The following PTPRD variants were observed in gnomAD, a reference collection of about 807,000 sequenced individuals.
PTPRD encodes protein tyrosine phosphatase receptor type D.
In PTPRD, 34 loss-of-function variants were observed where a neutral mutation model predicts 214.5. That is an observed-to-expected ratio of 0.16 (90% CI 0.12 to 0.21). PTPRD has a LOEUF of 0.21. Ranked by LOEUF, PTPRD falls within the 10% of genes least tolerant of loss-of-function variation. PTPRD has a pLI of 1.00. For missense variants in PTPRD, 2,545 were observed against 2,398.7 expected (o/e 1.06, Z -1.27); for synonymous variants, 1,128 against 845.7 (o/e 1.33, Z -5.79).
At chr9:9,666,420 G>C (rs931845570) in intron 7 of PTPRD, among the ~76,000 whole-genome samples, 1 of 151,948 alleles carries the variant, frequency 6.6e-6, no homozygotes, top group African/African-American at 2.4e-5. Context: ...TTTCGTAGAG[G>C]AGAATGTTCA....
At chr9:9,190,274 A>T (rs905185348) in intron 9 of PTPRD, among the ~76,000 whole-genome samples, 3 of 152,110 alleles carry the variant, frequency 2.0e-5, no homozygotes, top group Admixed American at 2.0e-4. Flanking sequence ...TCCCCACCCA[A>T]ATCTCAATTT....
chr9:9,464,285 C>A (rs1028801638), intron 8 of PTPRD, among the ~76,000 whole-genome samples: 2 of 151,984 alleles, frequency 1.3e-5, no homozygotes, highest in African/African-American at 4.8e-5. Context: ...ACCTTTTCTC[C>A]CTCTCACCCT....
chr9:10,513,760 C>T (rs183425027), intron 2 of PTPRD, among the ~76,000 whole-genome samples: 13 of 152,270 alleles, frequency 8.5e-5, no homozygotes, highest in Non-Finnish European at 1.8e-4. Context: ...TAGGGCCTCC[C>T]TGGCAACTCA....
chr9:9,745,162 T>A (rs942562749), intron 6 of PTPRD, among the ~76,000 whole-genome samples: 2 of 152,118 alleles, frequency 1.3e-5, no homozygotes, highest in African/African-American at 4.8e-5. Flanking sequence ...AATTCAGATA[T>A]TTTTAAAGCA....
At chr9:8,642,848 C>T (rs1020280931) in intron 12 of PTPRD, among the ~76,000 whole-genome samples, 1 of 152,180 alleles carries the variant, frequency 6.6e-6, no homozygotes, top group Admixed American at 6.5e-5. Context: ...AGGGTAGTGA[C>T]AGACAACCTG....
chr9:9,255,510 G>A (rs892310809), intron 9 of PTPRD, among the ~76,000 whole-genome samples: 2 of 151,860 alleles, frequency 1.3e-5, no homozygotes, highest in Non-Finnish European at 2.9e-5. Context: ...AAAATCTCAC[G>A]ATGCAATTCT....
At chr9:8,721,866 A>G (rs1297040288) in intron 12 of PTPRD, among the ~76,000 whole-genome samples, 2 of 152,166 alleles carry the variant, frequency 1.3e-5, no homozygotes, top group Non-Finnish European at 2.9e-5. Flanking sequence ...CAAACCCCAT[A>G]TTAATTAGAA....
intron 7 of PTPRD, among the ~76,000 whole-genome samples, chr9:9,726,745 T>C (rs1369481823): frequency 1.3e-5 from 2 of 152,146 alleles, no homozygotes; most frequent in Non-Finnish European, 2.9e-5. Flanking sequence ...TTCTTTGACA[T>C]TAGAGTTTGT....
intron 11 of PTPRD, among the ~76,000 whole-genome samples, chr9:9,003,232 G>C (rs2099430622): frequency 6.6e-6 from 1 of 152,008 alleles, no homozygotes; most frequent in South Asian, 2.1e-4. Context: ...TAGTAAGACA[G>C]TGTGGTTCTG....
At chr9:9,381,938 G>T (rs957382612) in intron 9 of PTPRD, among the ~76,000 whole-genome samples, 13 of 151,036 alleles carry the variant, frequency 8.6e-5, no homozygotes, top group Non-Finnish European at 1.3e-4. Context: ...TTTTAATGTG[G>T]ATAACATTGA....
At chr9:9,964,688 C>T (rs1240098374) in intron 4 of PTPRD, among the ~76,000 whole-genome samples, 2 of 152,084 alleles carry the variant, frequency 1.3e-5, no homozygotes, top group Non-Finnish European at 1.5e-5. Context: ...CTGTGGTTAG[C>T]AGGCTAAATG....
chr9:9,692,191 C>G (rs2790039), intron 7 of PTPRD, among the ~76,000 whole-genome samples: 1 of 151,522 alleles, frequency 6.6e-6, no homozygotes, highest in African/African-American at 2.4e-5. Flanking sequence ...CATGAAGAAA[C>G]ATTTGCCCAG....
chr9:9,754,766 T>C (rs2098553036), intron 6 of PTPRD, among the ~76,000 whole-genome samples: 1 of 152,076 alleles, frequency 6.6e-6, no homozygotes, highest in African/African-American at 2.4e-5. Context: ...TGTTCAATTG[T>C]TTCTGCATTT....
At chr9:9,220,501 C>A (rs575412535) in intron 9 of PTPRD, among the ~76,000 whole-genome samples, 1 of 151,992 alleles carries the variant, frequency 6.6e-6, no homozygotes, top group South Asian at 2.1e-4. Context: ...GGGATATATT[C>A]TTTGTAAAAC....
chr9:8,611,992 G>A (rs2095469453), intron 14 of PTPRD, among the ~76,000 whole-genome samples: 2 of 118,840 alleles, frequency 1.7e-5, no homozygotes, highest in African/African-American at 3.4e-5. Context: ...GGGAGGGGAG[G>A]GTTTGGGAGG....
chr9:9,798,625 TG>T (rs1202725764), intron 5 of PTPRD, among the ~76,000 whole-genome samples: 1 of 152,182 alleles, frequency 6.6e-6, no homozygotes, highest in Non-Finnish European at 1.5e-5. Flanking sequence ...TGCCATATTT[TG>T]GGGTATCATG....
At chr9:10,327,336 G>A (rs1350327076) in intron 3 of PTPRD, among the ~76,000 whole-genome samples, 1 of 151,328 alleles carries the variant, frequency 6.6e-6, no homozygotes, top group Non-Finnish European at 1.5e-5. Flanking sequence ...GAAACGACCA[G>A]ATCATTTATC....
intron 41 of PTPRD, 59 bp from the exon 42 acceptor site, chr9:8,340,528 A>G (rs2132379064): frequency 6.2e-6 from 9 of 1,443,746 alleles, no homozygotes; most frequent in Admixed American, 2.0e-5. Context: ...GCAAAAGCTC[A>G]CACTGGATAC....
intron 2 of PTPRD, among the ~76,000 whole-genome samples, chr9:10,517,887 G>T (rs562672295): frequency 2.0e-5 from 3 of 152,084 alleles, no homozygotes; most frequent in African/African-American, 7.2e-5. Context: ...CAATGAAAAT[G>T]AATAATTTTA....
Sources: allele counts gnomAD v4.1 joint callset (sites outside exome capture counted in the v4.1 genomes callset), GRCh38; gene constraint gnomAD v4.1.1; transcripts MANE v1.5; gene names NCBI Gene and HGNC (gene_info 2026-07-23, HGNC 2026-07-21).